Variants in CELF4 observed in about 807,000 individuals in gnomAD.
CELF4 encodes CUG-BP- and ETR-3-like factor 4.
Under a neutral mutation model 59.9 loss-of-function variants are expected in CELF4, and 18 were observed. The ratio of observed to expected loss-of-function variants is 0.30; its 90% CI spans 0.21 to 0.45. The LOEUF is 0.45. Ranked by LOEUF, CELF4 falls within the 20% of genes least tolerant of loss-of-function variation. The probability of loss-of-function intolerance (pLI) is 1.00; values close to 1 mark genes in which losing one functional copy is unlikely to be tolerated. For missense variants in CELF4, 456 were observed against 689.0 expected, an observed-to-expected ratio of 0.66 and a Z score of 3.79; for synonymous variants, 261 against 267.1, an observed-to-expected ratio of 0.98 and a Z score of 0.22.
At chr18:37,271,075 T>C (rs2091002649) in intron 7 of CELF4, among the ~76,000 whole-genome samples, 158 bp from the exon 8 acceptor site, 1 of 152,220 alleles carries the variant, frequency 6.6e-6, no homozygotes, top group Non-Finnish European at 1.5e-5. Flanking sequence ...ACCCATGCCT[T>C]GGCTTATCTC....
intron 2 of CELF4, among the ~76,000 whole-genome samples, chr18:37,368,883 C>T (rs1412287513): frequency 6.6e-6 from 1 of 152,234 alleles, no homozygotes; most frequent in African/African-American, 2.4e-5. Context: ...ACATGAAGAC[C>T]TGGGTGAACA....
intron 2 of CELF4, among the ~76,000 whole-genome samples, chr18:37,390,804 G>T (rs2099151389): frequency 1.5e-5 from 1 of 66,282 alleles, no homozygotes; most frequent in Non-Finnish European, 3.2e-5. Flanking sequence ...TGATGGGGCG[G>T]GGAGGGGGGG....
At chr18:37,362,413 G>A (rs890703863) in intron 2 of CELF4, among the ~76,000 whole-genome samples, 11 of 152,190 alleles carry the variant, frequency 7.2e-5, no homozygotes, top group African/African-American at 2.2e-4. Context: ...TGGGATTGGC[G>A]ATTCTGCAGC....
At chr18:37,337,086 C>T (rs2097795200) in intron 2 of CELF4, among the ~76,000 whole-genome samples, 1 of 152,176 alleles carries the variant, frequency 6.6e-6, no homozygotes, top group African/African-American at 2.4e-5. Flanking sequence ...ATCCTTTCTG[C>T]TCGGGCAGCA....
chr18:37,498,116 G>A (rs915173304), intron 1 of CELF4, among the ~76,000 whole-genome samples: 2 of 152,136 alleles, frequency 1.3e-5, no homozygotes, highest in African/African-American at 4.8e-5. Flanking sequence ...TTAAGGGAAG[G>A]GTGTGCTAGG....
intron 2 of CELF4, among the ~76,000 whole-genome samples, chr18:37,340,015 G>A (rs562481955): frequency 3.3e-5 from 5 of 152,300 alleles, no homozygotes; most frequent in South Asian, 2.1e-4. Context: ...TTATTAGCAC[G>A]GCTGCGTTAA....
intron 1 of CELF4, among the ~76,000 whole-genome samples, chr18:37,555,418 C>T (rs1603644092): frequency 6.6e-6 from 1 of 152,166 alleles, no homozygotes; most frequent in Admixed American, 6.5e-5. Flanking sequence ...CTCTGTTTCC[C>T]CGGTCTCCTT....
At chr18:37,339,800 G>C (rs997349364) in intron 2 of CELF4, among the ~76,000 whole-genome samples, 1 of 151,258 alleles carries the variant, frequency 6.6e-6, no homozygotes, top group Non-Finnish European at 1.5e-5. Flanking sequence ...TGGGTTTCTC[G>C]TGTGTAGACG....
chr18:37,476,611 A>T (rs1056791516), intron 2 of CELF4, among the ~76,000 whole-genome samples: 1 of 152,186 alleles, frequency 6.6e-6, no homozygotes, highest in African/African-American at 2.4e-5. Flanking sequence ...GTGGCAGCCC[A>T]CAGTTCCGGA....
intron 1 of CELF4, among the ~76,000 whole-genome samples, chr18:37,533,698 C>T (rs564765471): frequency 3.3e-5 from 5 of 152,318 alleles, no homozygotes; most frequent in South Asian, 2.1e-4. Flanking sequence ...TTCACTATTT[C>T]GGGAGCAGCT....
rs932526211 is a variant in CELF4, at chr18:37,246,564, G to A, written c.*45-1367C>T. On this transcript the variant is annotated intron_variant, in intron 12 of 12. Coordinates refer to ENST00000420428, the MANE Select transcript of CELF4 (RefSeq NM_020180.4). This position sits in a 1 kb window ranked among gnomAD's most constrained non-coding sequence, Gnocchi z 5.3. ...AGAATTTTTTTATCATTCTGTTACT[G>A]TAGATATTTTGTTTTTGTTTTTTTG... Among the ~76,000 whole-genome samples the A allele has an allele frequency of 2.0e-5, 3 of 151,780 alleles. No individual in the cohort carries two copies. Among genetic ancestry groups the A allele is most frequent in the African/African-American group, 4.8e-5 (2 of 41,326 alleles).
intron 2 of CELF4, among the ~76,000 whole-genome samples, chr18:37,353,233 A>AAAAAAAAAATATATAT (rs71168258): frequency 1.9e-5 from 2 of 106,974 alleles, no homozygotes; most frequent in East Asian, 2.8e-4. Context: ...AAAAAAAAAA[A>AAAAAAAAAATATATAT]ATATATATAT....
chr18:37,310,170 G>T (rs926055712), intron 3 of CELF4, among the ~76,000 whole-genome samples: 2 of 151,962 alleles, frequency 1.3e-5, no homozygotes, highest in Admixed American at 1.3e-4. Context: ...AGCTCCGAAG[G>T]GGTGTCACCA....
At position 37,266,912 on chromosome 18, in the gene CELF4, A is replaced by C. The variant is rs2077876364; in HGVS notation, c.1100-314T>G. Among the ~76,000 whole-genome samples the C allele has an allele frequency of 2.0e-5, 3 of 148,814 alleles. No individual in the cohort carries two copies. The South Asian group carries it at 6.5e-4, about 32-fold the overall frequency. On this transcript the variant is annotated intron_variant, in intron 8 of 12. Coordinates refer to ENST00000420428, the MANE Select transcript of CELF4 (RefSeq NM_020180.4). ...AGGGTTGGGGAGGAGATGCCAAGGA[A>C]GCCTCAACACTGAGATGCTGGTGGT...
At chr18:37,310,833 G>A (rs1191635324) in intron 3 of CELF4, among the ~76,000 whole-genome samples, 1 of 152,174 alleles carries the variant, frequency 6.6e-6, no homozygotes, top group Non-Finnish European at 1.5e-5. Context: ...TGGGAGGATT[G>A]CCTGGGAACT....
At chr18:37,412,330 C>T (rs1258390425) in intron 2 of CELF4, among the ~76,000 whole-genome samples, 1 of 152,180 alleles carries the variant, frequency 6.6e-6, no homozygotes, top group Non-Finnish European at 1.5e-5. Flanking sequence ...CACATCTTAT[C>T]CCAATAAGAG....
At chr18:37,265,630 A>G (rs1009099993) in intron 9 of CELF4, among the ~76,000 whole-genome samples, 1 of 152,152 alleles carries the variant, frequency 6.6e-6, no homozygotes, top group Non-Finnish European at 1.5e-5. Flanking sequence ...AAAGGGCCTG[A>G]GGTAGGACAG....
chr18:37,274,957 C>T, intron 4 of CELF4, 73 bp from the exon 5 acceptor site: 2 of 1,562,298 alleles, frequency 1.3e-6, no homozygotes, highest in Non-Finnish European at 1.7e-6. Context: ...GAGGGCGCAT[C>T]CCAGGTGAAC....
At chr18:37,276,906 C>T (rs2093389879) in intron 3 of CELF4, among the ~76,000 whole-genome samples, 1 of 152,210 alleles carries the variant, frequency 6.6e-6, no homozygotes, top group Non-Finnish European at 1.5e-5. Context: ...TGCAAATGGC[C>T]ATGTGTTCAT....
Sources: allele counts gnomAD v4.1 joint callset (sites outside exome capture counted in the v4.1 genomes callset), GRCh38; gene constraint gnomAD v4.1.1; non-coding constraint Gnocchi (gnomAD v3.1); transcripts MANE v1.5; gene names NCBI Gene and HGNC (gene_info 2026-07-23, HGNC 2026-07-21).